TMEM132C: variants seen among roughly 807,000 people sequenced by gnomAD.
TMEM132C encodes transmembrane protein 132C, also known as protein phosphatase 1, regulatory subunit 152.
In TMEM132C, 29 loss-of-function variants were observed where a neutral mutation model predicts 61.4. That is an observed-to-expected ratio of 0.47 (90% CI 0.35 to 0.64). The LOEUF (loss-of-function observed/expected upper bound fraction) is 0.64, where lower values mean the gene tolerates loss of function less well. Ranked by LOEUF, TMEM132C falls within the 30% of genes least tolerant of loss-of-function variation. The pLI is 0.00. For synonymous variants in TMEM132C, 656 were observed against 633.1 expected (o/e 1.04, Z -0.54); for missense variants, 1,408 against 1,476.9 (o/e 0.95, Z 0.76).
At chr12:128,279,004 G>T (rs1870791897) in intron 1 of TMEM132C, among the ~76,000 whole-genome samples, 1 of 151,996 alleles carries the variant, frequency 6.6e-6, no homozygotes, top group Admixed American at 6.6e-5. Context: ...TACAGATTTT[G>T]GACTTGCCAG....
At chr12:128,598,720 T>C (rs1052846520) in intron 3 of TMEM132C, among the ~76,000 whole-genome samples, 6 of 152,162 alleles carry the variant, frequency 3.9e-5, no homozygotes, top group South Asian at 2.1e-4. Context: ...GGGAACCCTC[T>C]AACCCCCTGG....
In TMEM132C at chr12:128,491,480, C is replaced by T. The variant is rs138816969; in HGVS notation, c.975-52477C>T. On this transcript the variant is annotated intron_variant, in intron 2 of 8. Transcript: ENST00000435159. ...AGCCAGTCGGAGATTAGTCCCTGCA[C>T]TATTCCTGTGACGTCTCTTTGGCTG... Among the ~76,000 whole-genome samples the T allele has an allele frequency of 1.2e-4, 19 of 152,312 alleles. No homozygotes were observed. The East Asian group carries it at 3.7e-3, about 29-fold the overall frequency.
chr12:128,564,893 C>A (rs1056357142), intron 3 of TMEM132C, among the ~76,000 whole-genome samples: 4 of 152,144 alleles, frequency 2.6e-5, no homozygotes, highest in Admixed American at 2.0e-4. Context: ...GGTAGTCATG[C>A]CTTTAAACAA....
At chr12:128,599,050 C>A (rs947051144) in intron 3 of TMEM132C, among the ~76,000 whole-genome samples, 1 of 131,798 alleles carries the variant, frequency 7.6e-6, no homozygotes. Flanking sequence ...AAAAAAGAAG[C>A]CTGGGTGTTT....
At chr12:128,384,945 G>A (rs562208313) in intron 1 of TMEM132C, among the ~76,000 whole-genome samples, 28 of 151,702 alleles carry the variant, frequency 1.8e-4, no homozygotes, top group Non-Finnish European at 3.7e-4. Flanking sequence ...AAGCCTTCAC[G>A]GCCACCTGTG....
At chr12:128,454,354 T>C (rs1328195671) in intron 2 of TMEM132C, among the ~76,000 whole-genome samples, 1 of 152,238 alleles carries the variant, frequency 6.6e-6, no homozygotes, top group East Asian at 1.9e-4. Context: ...AGCAGAATCC[T>C]AATGAAGTTC....
intron 1 of TMEM132C, among the ~76,000 whole-genome samples, chr12:128,372,951 C>T (rs1874074197): frequency 6.6e-6 from 1 of 152,212 alleles, no homozygotes; most frequent in Admixed American, 6.5e-5. Context: ...TGATATGACA[C>T]ATTCAGAAGC....
intron 1 of TMEM132C, among the ~76,000 whole-genome samples, chr12:128,315,175 G>T (rs1010214015): frequency 6.6e-6 from 1 of 152,108 alleles, no homozygotes; most frequent in African/African-American, 2.4e-5. Flanking sequence ...GAGGGGACAT[G>T]CTCAGGCAGA....
At position 128,326,799 on chromosome 12, in the gene TMEM132C, T is replaced by A. The variant is rs1283152036; in HGVS notation, c.85+59312T>A. 6.7e-6 allele frequency among the ~76,000 whole-genome samples: 1 copy of A among 150,284 alleles called. No homozygotes were observed. Among genetic ancestry groups the A allele is most frequent in the Non-Finnish European group, 1.5e-5 (1 of 68,022 alleles). On this transcript the variant is annotated intron_variant, in intron 1 of 8. Transcript: ENST00000435159. This position sits in a 1 kb window ranked among gnomAD's most constrained non-coding sequence, Gnocchi z 5.6. ...ATCTCGTTACCGACTTCACAATATTTTTTTTTTCTTTCTTAACAACGTAGT... is the reference window on the plus strand; with the variant it reads ...ATCTCGTTACCGACTTCACAATATTATTTTTTTCTTTCTTAACAACGTAGT...
chr12:128,580,020 G>A (rs1875270725), intron 3 of TMEM132C, among the ~76,000 whole-genome samples: 1 of 152,178 alleles, frequency 6.6e-6, no homozygotes, highest in African/African-American at 2.4e-5. Context: ...TTCGCAGGCA[G>A]TGAGGAGAGA....
chr12:128,353,403 G>A (rs1189293937), intron 1 of TMEM132C, among the ~76,000 whole-genome samples: 1 of 152,184 alleles, frequency 6.6e-6, no homozygotes, highest in East Asian at 1.9e-4. Context: ...GCTGCGATCT[G>A]AGACCCCGGG....
chr12:128,294,121 A>G (rs1871330929), intron 1 of TMEM132C: 1 of 154,680 alleles, frequency 6.5e-6, no homozygotes, highest in Non-Finnish European at 1.5e-5. Flanking sequence ...CATCTTGAGA[A>G]ATGGAAGGAA....
At chr12:128,461,363 G>A (rs1180222189) in intron 2 of TMEM132C, among the ~76,000 whole-genome samples, 4 of 152,150 alleles carry the variant, frequency 2.6e-5, no homozygotes. Flanking sequence ...CCCATCCGAA[G>A]ACATTTTCAA....
intron 1 of TMEM132C, among the ~76,000 whole-genome samples, chr12:128,274,965 T>A (rs1406526409): frequency 1.3e-5 from 2 of 152,188 alleles, no homozygotes; most frequent in Admixed American, 6.5e-5. Flanking sequence ...CATTAATAGT[T>A]CCATCATTTT....
intron 2 of TMEM132C, among the ~76,000 whole-genome samples, chr12:128,505,098 C>A (rs1287185055): frequency 6.7e-6 from 1 of 149,338 alleles, no homozygotes; most frequent in African/African-American, 2.4e-5. Flanking sequence ...AATTAGAGTC[C>A]TTTGGTTGCA....
At chr12:128,699,237 G>A (rs994069931) in intron 8 of TMEM132C, among the ~76,000 whole-genome samples, 4 of 152,176 alleles carry the variant, frequency 2.6e-5, no homozygotes, top group South Asian at 2.1e-4. Flanking sequence ...GCTATGTAAC[G>A]ACGGCCACAC....
intron 1 of TMEM132C, among the ~76,000 whole-genome samples, chr12:128,300,568 A>G (rs890721560): frequency 6.6e-6 from 1 of 152,124 alleles, no homozygotes; most frequent in African/African-American, 2.4e-5. Flanking sequence ...CTCTAAGCCT[A>G]TGAGAGGACA....
In TMEM132C at chr12:128,706,215, A is replaced by T. The variant is rs1017404739; in HGVS notation, c.3247A>T (p.Lys1083Ter). The T allele has an allele frequency of 6.4e-7, 1 of 1,551,828 alleles. No homozygotes were observed. The highest frequency in any genetic ancestry group is 1.4e-5 in the African/African-American group (1 of 73,176). The change falls in exon 9 of 9, where the codon AAA becomes TAA. Residue 1083 changes from lysine to a stop codon, truncating the protein, a stop_gained. Coordinates refer to ENST00000435159, the MANE Select transcript of TMEM132C (RefSeq NM_001136103.3). LOFTEE classifies it low-confidence loss of function (END_TRUNC). ...CGTCAGCAGCAATGATGAGGACATC[A>T]AATGGGTGTGTCAAGACGTGGCTGT... ...SIVSSNDEDI[K>*]WVCQDVAVGA...
chr12:128,495,426 G>A (rs1387526273), intron 2 of TMEM132C, among the ~76,000 whole-genome samples: 1 of 152,148 alleles, frequency 6.6e-6, no homozygotes, highest in Non-Finnish European at 1.5e-5. Context: ...GTCTAATGTT[G>A]ACAGTGGGGT....
Sources: allele counts gnomAD v4.1 joint callset (sites outside exome capture counted in the v4.1 genomes callset), GRCh38; gene constraint gnomAD v4.1.1; non-coding constraint Gnocchi (gnomAD v3.1); transcripts MANE v1.5; gene names NCBI Gene and HGNC (gene_info 2026-07-23, HGNC 2026-07-21).